The following VEPH1 variants were observed in gnomAD, a reference collection of about 807,000 sequenced individuals.
VEPH1 encodes ventricular zone-expressed PH domain-containing protein homolog 1.
Under a neutral mutation model 85.2 loss-of-function variants are expected in VEPH1, and 80 were observed. The ratio of observed to expected loss-of-function variants is 0.94; its 90% CI spans 0.78 to 1.13. The LOEUF (loss-of-function observed/expected upper bound fraction) is 1.13. VEPH1 is among the 50% of genes most tolerant of loss of function. The probability of loss-of-function intolerance (pLI) is 0.00; values close to 1 mark genes in which losing one functional copy is unlikely to be tolerated. For synonymous variants in VEPH1, 297 were observed against 348.0 expected, an observed-to-expected ratio of 0.85 and a Z score of 1.63; for missense variants, 955 against 980.5, an observed-to-expected ratio of 0.97 and a Z score of 0.35.
chr3:157,286,385 T>C, intron 12 of VEPH1, 172 bp downstream of exon 12: 1 of 647,488 alleles, frequency 1.5e-6, no homozygotes, highest in East Asian at 2.6e-5. Context: ...CCCTTTTTCC[T>C]ACGACCACTT....
Position 157,460,163 on chromosome 3 carries a change from T to C in VEPH1, c.529+18A>G. ...TATCTCCCAAAACATGTCCCCAAGCTCAACTTTCGCACCATACCTTGGAGT... is the reference window on the plus strand; with the variant it reads ...TATCTCCCAAAACATGTCCCCAAGCCCAACTTTCGCACCATACCTTGGAGT... On this transcript the variant is annotated intron_variant, in intron 4 of 13. Coordinates refer to ENST00000362010, the MANE Select transcript of VEPH1 (RefSeq NM_001167912.2). 6.2e-7 allele frequency: 1 copy of C among 1,614,180 alleles called. No individual in the cohort carries two copies. Among genetic ancestry groups the C allele is most frequent in the Non-Finnish European group, 8.5e-7 (1 of 1,180,026 alleles).
chr3:157,468,554 G>A (rs1247637348), intron 3 of VEPH1, among the ~76,000 whole-genome samples: 2 of 151,998 alleles, frequency 1.3e-5, no homozygotes, highest in African/African-American at 2.4e-5. Flanking sequence ...CAGCCTGGGC[G>A]ACAGAGCGAG....
intron 6 of VEPH1, among the ~76,000 whole-genome samples, chr3:157,405,469 A>G (rs1325854687): frequency 1.3e-5 from 2 of 152,162 alleles, no homozygotes; most frequent in African/African-American, 4.8e-5. Flanking sequence ...AGAAGGAAGA[A>G]AACAGGAACT....
At chr3:157,409,961 T>C (rs538805357) in intron 6 of VEPH1, 1 of 979,672 alleles carries the variant, frequency 1.0e-6, no homozygotes, top group Admixed American at 6.2e-5. Flanking sequence ...AGATTGTATA[T>C]TATATGCTCT....
intron 11 of VEPH1, among the ~76,000 whole-genome samples, chr3:157,300,469 A>G (rs1281311135): frequency 6.6e-6 from 1 of 152,194 alleles, no homozygotes; most frequent in Non-Finnish European, 1.5e-5. Context: ...AATATAATAC[A>G]TGTGATAAAC....
chr3:157,494,362 G>A (rs1377874832), intron 2 of VEPH1, among the ~76,000 whole-genome samples: 1 of 152,202 alleles, frequency 6.6e-6, no homozygotes, highest in East Asian at 1.9e-4. Flanking sequence ...ACACTGCTGA[G>A]CTGGGAGGAT....
In VEPH1 at chr3:157,363,358, A is replaced by G; in HGVS notation, c.1735+6T>C. The G allele has an allele frequency of 6.3e-7, 1 of 1,583,306 alleles. No homozygotes were observed. Among genetic ancestry groups the G allele is most frequent in the Non-Finnish European group, 8.6e-7 (1 of 1,169,400 alleles). On this transcript the variant is annotated splice_donor_region_variant and intron_variant, in intron 9 of 13. Coordinates refer to ENST00000362010, the MANE Select transcript of VEPH1 (RefSeq NM_001167912.2). ...TTCTCAGGTTTGGGAAGTACACAAC[A>G]CTTACCTTCAATGGTACACTGATCA...
intron 9 of VEPH1, among the ~76,000 whole-genome samples, chr3:157,346,300 C>G (rs1262204414): frequency 6.6e-6 from 1 of 152,142 alleles, no homozygotes; most frequent in East Asian, 1.9e-4. Flanking sequence ...GAAGATCTTA[C>G]AAAGTATACC....
Position 157,470,297 on chromosome 3 carries a change from G to T in VEPH1, c.354+17C>A, listed in dbSNP as rs758109087. ...CCAACTCAGTATCAAATAGCCTGAT[G>T]TTGAACACTGACATACCTGTAAAAT... is the stretch of plus-strand genomic sequence containing the variant. On this transcript the variant is annotated intron_variant, in intron 3 of 13. Coordinates refer to ENST00000362010, the MANE Select transcript of VEPH1 (RefSeq NM_001167912.2). 8 of 1,612,620 alleles carry T rather than the reference G, an allele frequency of 5.0e-6. No individual in the cohort carries two copies. Among genetic ancestry groups the T allele is most frequent in the Non-Finnish European group, 4.2e-6 (5 of 1,178,846 alleles).
At chr3:157,501,838 T>C (rs975192192) in intron 1 of VEPH1, among the ~76,000 whole-genome samples, 1 of 152,224 alleles carries the variant, frequency 6.6e-6, no homozygotes, top group Non-Finnish European at 1.5e-5. Context: ...ACTACATTAC[T>C]CTGCATCAAA....
chr3:157,393,746 T>C (rs1730106808), intron 6 of VEPH1, among the ~76,000 whole-genome samples: 1 of 152,232 alleles, frequency 6.6e-6, no homozygotes, highest in Non-Finnish European at 1.5e-5. Flanking sequence ...TTCTTCATAC[T>C]TCCCTTGCAG....
chr3:157,426,114 A>G (rs1248499569), intron 5 of VEPH1, among the ~76,000 whole-genome samples: 2 of 152,170 alleles, frequency 1.3e-5, no homozygotes, highest in African/African-American at 4.8e-5. Flanking sequence ...ACTGTAAGTC[A>G]AATTAAACCT....
chr3:157,266,586 A>G (rs1219912639), intron 12 of VEPH1, among the ~76,000 whole-genome samples: 3 of 152,196 alleles, frequency 2.0e-5, no homozygotes, highest in African/African-American at 4.8e-5. Flanking sequence ...CCAAGCATCT[A>G]ACATGGTGCC....
intron 6 of VEPH1, among the ~76,000 whole-genome samples, chr3:157,386,770 A>G (rs1272877057): frequency 6.6e-6 from 1 of 152,208 alleles, no homozygotes; most frequent in Non-Finnish European, 1.5e-5. Flanking sequence ...GAATATGACT[A>G]CGAGTACAGT....
At chr3:157,355,538 G>A (rs1168006136) in intron 9 of VEPH1, among the ~76,000 whole-genome samples, 1 of 152,204 alleles carries the variant, frequency 6.6e-6, no homozygotes, top group Non-Finnish European at 1.5e-5. Flanking sequence ...CTAAGTAGAT[G>A]ACAACATTCT....
intron 12 of VEPH1, among the ~76,000 whole-genome samples, chr3:157,266,124 A>G (rs1713609822): frequency 6.7e-6 from 1 of 150,286 alleles, no homozygotes; most frequent in Admixed American, 6.7e-5. Context: ...ATGACACATG[A>G]ACTGCTGGAA....
chr3:157,262,804 T>G (rs776420793), intron 13 of VEPH1, among the ~76,000 whole-genome samples: 11 of 152,188 alleles, frequency 7.2e-5, no homozygotes, highest in Non-Finnish European at 1.2e-4. Flanking sequence ...CAAAATTCTT[T>G]TAGGGTACAC....
chr3:157,278,909 G>A (rs974772486), intron 12 of VEPH1, among the ~76,000 whole-genome samples: 15 of 152,128 alleles, frequency 9.9e-5, no homozygotes, highest in African/African-American at 3.4e-4. Context: ...CTGATGCTGG[G>A]GAGTGGTGCA....
At chr3:157,371,620 A>G (rs1727493413) in intron 7 of VEPH1, among the ~76,000 whole-genome samples, 1 of 152,192 alleles carries the variant, frequency 6.6e-6, no homozygotes, top group Non-Finnish European at 1.5e-5. Context: ...GACACGTTCA[A>G]ATTTTGAGAA....
Sources: allele counts gnomAD v4.1 joint callset (sites outside exome capture counted in the v4.1 genomes callset), GRCh38; gene constraint gnomAD v4.1.1; transcripts MANE v1.5; gene names NCBI Gene and HGNC (gene_info 2026-07-23, HGNC 2026-07-21).